Variants in ATP11B observed in about 807,000 individuals in gnomAD.
The protein encoded by ATP11B is phospholipid-transporting ATPase IF.
Under a neutral mutation model 157.8 loss-of-function variants are expected in ATP11B, and 81 were observed. The observed-to-expected ratio is 0.51, with a 90% confidence interval of 0.43 to 0.62. The LOEUF (loss-of-function observed/expected upper bound fraction) is 0.62, where lower values mean the gene tolerates loss of function less well. Ranked by LOEUF, ATP11B falls within the 20% of genes least tolerant of loss-of-function variation. ATP11B has a pLI of 0.00. For missense variants in ATP11B, 1,165 were observed against 1,402.2 expected, an observed-to-expected ratio of 0.83 and a Z score of 2.70; for synonymous variants, 451 against 469.4, an observed-to-expected ratio of 0.96 and a Z score of 0.51.
chr3:182,840,628 C>T (rs1718933919), intron 7 of ATP11B, among the ~76,000 whole-genome samples: 1 of 152,188 alleles, frequency 6.6e-6, no homozygotes, highest in Non-Finnish European at 1.5e-5. Context: ...TACAGTCCAT[C>T]CTTCCAATTG....
chr3:182,837,301 G>A lies in ATP11B; in HGVS notation c.656+127G>A, dbSNP rs1329828926. 1.9e-5 allele frequency: 12 copies of A among 619,510 alleles called. No individual in the cohort carries two copies. The Admixed American group carries it at 3.2e-4, about 17-fold the overall frequency. 38.4% of individuals were successfully genotyped at this position (619,510 alleles called of 1,614,324 possible). ...GTATTTGTGGGGTGGGTTGGTGGGA[G>A]ATGCAATTAATGGTGAAAAAAACTA... On this transcript the variant is annotated intron_variant, in intron 7 of 29. Transcript: ENST00000323116.
chr3:182,797,600 C>T (rs745735637), intron 1 of ATP11B, among the ~76,000 whole-genome samples: 4 of 152,012 alleles, frequency 2.6e-5, no homozygotes, highest in Non-Finnish European at 5.9e-5. Flanking sequence ...CCCAGCTACT[C>T]AGGAGGCTGA....
At position 182,879,559 on chromosome 3, in the gene ATP11B, A is replaced by C; in HGVS notation, c.2316A>C (p.Ala772=). Residue 772 remains alanine (A), a synonymous_variant, in exon 20 of 30, where the codon GCA becomes GCC. Transcript: ENST00000323116. Reference sequence around the variant, plus strand: ...TGGATGGGACCAGCCTATCTCTTGCACTCAGGGAGCATGAAAAACTATTTA... The same window carrying C: ...TGGATGGGACCAGCCTATCTCTTGCCCTCAGGGAGCATGAAAAACTATTTA... ...LVVDGTSLSL[A]LREHEKLFME... 1 of 1,614,114 alleles carries C rather than the reference A, an allele frequency of 6.2e-7. No homozygotes were observed. The highest frequency in any genetic ancestry group is 1.1e-5 in the South Asian group (1 of 91,078).
At chr3:182,896,624 G>A in intron 25 of ATP11B, 76 bp from the exon 26 acceptor site, 2 of 1,238,958 alleles carry the variant, frequency 1.6e-6, no homozygotes, top group South Asian at 2.5e-5. Flanking sequence ...ATTTTTAGTA[G>A]AGAATTAAAT....
At chr3:182,882,296 T>G (rs926764905) in intron 21 of ATP11B, among the ~76,000 whole-genome samples, 3 of 152,118 alleles carry the variant, frequency 2.0e-5, no homozygotes, top group Non-Finnish European at 4.4e-5. Context: ...TCATAGCAAT[T>G]TGATGATAAC....
intron 28 of ATP11B, among the ~76,000 whole-genome samples, chr3:182,910,302 T>A (rs1268396177): frequency 6.6e-6 from 1 of 151,388 alleles, no homozygotes; most frequent in African/African-American, 2.4e-5. Flanking sequence ...ATGGCCAGGC[T>A]CAGTAGCTCA....
intron 1 of ATP11B, among the ~76,000 whole-genome samples, chr3:182,795,177 A>G (rs1280913375): frequency 1.4e-5 from 2 of 147,132 alleles, no homozygotes; most frequent in Non-Finnish European, 3.0e-5. Context: ...TTATAATACC[A>G]TCTTGTAATA....
At chr3:182,858,086 T>A in intron 11 of ATP11B, 58 bp downstream of exon 11, 1 of 1,477,740 alleles carries the variant, frequency 6.8e-7, no homozygotes, top group South Asian at 1.3e-5. Flanking sequence ...GCACGATTAG[T>A]GCTTTGGTAG....
rs375235909 is a variant in ATP11B, at chr3:182,845,528, T to A, written c.769+6T>A. 119 of 1,583,552 alleles carry A rather than the reference T, an allele frequency of 7.5e-5. No homozygotes were observed. The highest frequency in any genetic ancestry group is 1.0e-4 in the Non-Finnish European group (118 of 1,169,100). ...AAACACAAAAGAAATTTTTGGTTTG[T>A]ACATATTTAAACATTTTAAATTATT... On this transcript the variant is annotated splice_donor_region_variant and intron_variant, in intron 9 of 29. Coordinates refer to ENST00000323116, the MANE Select transcript of ATP11B (RefSeq NM_014616.3).
chr3:182,793,714 CCG>C lies in ATP11B; in HGVS notation c.-43_-42del. On this transcript the variant is annotated 5_prime_UTR_variant, in exon 1 of 30. Coordinates refer to ENST00000323116, the MANE Select transcript of ATP11B (RefSeq NM_014616.3). ...GTCTTGTCGGCCTCCACCTGCAGCC[CCG>C]CGGCCCCCGCGCCCCGCGGGACCCG... 7.3e-7 allele frequency: 1 copy of C among 1,373,108 alleles called. No individual in the cohort carries two copies. Among genetic ancestry groups the C allele is most frequent in the Non-Finnish European group, 9.6e-7 (1 of 1,045,652 alleles). The allele number at this position is 1,373,108 out of a possible 1,614,324, so 85.1% of individuals were successfully genotyped here.
intron 12 of ATP11B, among the ~76,000 whole-genome samples, chr3:182,861,943 CA>C (rs35665738): frequency 1.1e-3 from 147 of 135,642 alleles, no homozygotes; most frequent in South Asian, 6.5e-3. Context: ...GACCCTGTCT[CA>C]AAAAAAAAAA....
intron 29 of ATP11B, chr3:182,914,566 C>G: frequency 1.0e-6 from 1 of 985,142 alleles, no homozygotes; most frequent in Non-Finnish European, 1.2e-6. Flanking sequence ...GTTTCTTTTG[C>G]TTGGTATTTA....
At chr3:182,860,471 T>C (rs544829404) in intron 12 of ATP11B, among the ~76,000 whole-genome samples, 2 of 152,324 alleles carry the variant, frequency 1.3e-5, no homozygotes, top group Admixed American at 1.3e-4. Flanking sequence ...ACCTTGGTGT[T>C]CGTTTTTCCT....
At position 182,907,652 on chromosome 3, in the gene ATP11B, A is replaced by C. The variant is rs115670738; in HGVS notation, c.3319-6209A>C. On this transcript the variant is annotated intron_variant, in intron 28 of 29. Transcript: ENST00000323116. ...AGGCTTTTTTAATAGGCTCTGATTG[A>C]GCGCCAAAGAAAGCTCATGTGAAGA... is the stretch of plus-strand genomic sequence containing the variant. Among the ~76,000 whole-genome samples the C allele has an allele frequency of 4.5e-3, 678 of 152,312 alleles. 5 individuals are homozygous for C. The highest frequency in any genetic ancestry group is 0.015 in the African/African-American group (635 of 41,568).
intron 1 of ATP11B, among the ~76,000 whole-genome samples, chr3:182,819,323 A>C (rs1717178157): frequency 6.6e-6 from 1 of 152,044 alleles, no homozygotes. Flanking sequence ...CGCCCGCCTC[A>C]GCCTCCCAAA....
chr3:182,827,084 G>C (rs1576979396), intron 2 of ATP11B, among the ~76,000 whole-genome samples: 2 of 152,100 alleles, frequency 1.3e-5, no homozygotes, highest in Non-Finnish European at 2.9e-5. Context: ...ATATGTGCTA[G>C]AGATAGAACA....
intron 29 of ATP11B, 67 bp downstream of exon 29, chr3:182,914,061 C>T (rs762791527): frequency 3.3e-5 from 53 of 1,587,138 alleles, no homozygotes; most frequent in South Asian, 5.7e-5. Context: ...ATGAACCTGC[C>T]GCTCTAGATA....
intron 1 of ATP11B, among the ~76,000 whole-genome samples, chr3:182,805,477 G>A (rs1273612351): frequency 1.3e-5 from 2 of 150,596 alleles, no homozygotes; most frequent in African/African-American, 2.4e-5. Flanking sequence ...CTTTTGAGAC[G>A]GAGTTTCACT....
At chr3:182,810,554 T>C (rs1716601026) in intron 1 of ATP11B, among the ~76,000 whole-genome samples, 1 of 152,204 alleles carries the variant, frequency 6.6e-6, no homozygotes, top group Non-Finnish European at 1.5e-5. Flanking sequence ...TAGACAATTG[T>C]GCATCTTCCT....
Sources: gnomAD v4.1 joint callset for allele counts (sites outside exome capture counted in the v4.1 genomes callset) on GRCh38, gnomAD v4.1.1 for gene constraint, MANE v1.5 for transcripts, NCBI Gene and HGNC (gene_info 2026-07-23, HGNC 2026-07-21) for gene names.